The following PARD3B variants were observed in gnomAD, a reference collection of about 807,000 sequenced individuals.
PARD3B encodes the protein par-3 family cell polarity regulator beta.
A neutral mutation model predicts 130.2 loss-of-function variants in PARD3B; 103 were observed. That is an observed-to-expected ratio of 0.79 (90% CI 0.67 to 0.93). PARD3B has a LOEUF of 0.93. PARD3B is among the 40% of genes least tolerant of loss of function. The pLI, the probability that PARD3B is intolerant of heterozygous loss-of-function variation, is 0.00. For synonymous variants in PARD3B, 583 were observed against 553.2 expected (o/e 1.05, Z -0.76); for missense variants, 1,609 against 1,499.2 (o/e 1.07, Z -1.21).
intron 1 of PARD3B, among the ~76,000 whole-genome samples, chr2:204,674,266 G>A (rs2036433401): frequency 6.6e-6 from 1 of 152,170 alleles, no homozygotes; most frequent in Non-Finnish European, 1.5e-5. Context: ...ATCAGCGTTA[G>A]TTAGGTCGAG....
chr2:205,490,364 T>C (rs1302227362), intron 20 of PARD3B, among the ~76,000 whole-genome samples: 1 of 151,300 alleles, frequency 6.6e-6, no homozygotes, highest in East Asian at 2.0e-4. Context: ...ACGTGCGGTG[T>C]TTAGTTTTCT....
chr2:205,039,364 A>G (rs1698234163), intron 3 of PARD3B, among the ~76,000 whole-genome samples: 1 of 152,164 alleles, frequency 6.6e-6, no homozygotes, highest in African/African-American at 2.4e-5. Flanking sequence ...CCTTGTGACC[A>G]TGGGTTGATG....
At chr2:204,758,101 A>T (rs1285865360) in intron 2 of PARD3B, among the ~76,000 whole-genome samples, 2 of 152,152 alleles carry the variant, frequency 1.3e-5, no homozygotes, top group Non-Finnish European at 2.9e-5. Context: ...AGCTTAGCAG[A>T]GGCCTCTTGG....
At position 205,321,906 on chromosome 2, in the gene PARD3B, G is replaced by T. The variant is rs2042764763; in HGVS notation, c.2630+20205G>T. On this transcript the variant is annotated intron_variant, in intron 18 of 22. Coordinates refer to ENST00000406610, the MANE Select transcript of PARD3B (RefSeq NM_001302769.2). The surrounding 1 kb of genome is among the most constrained non-coding windows in gnomAD (Gnocchi z 4.2). ...TCTGTAAATAGGTGCAAATATCCTT[G>T]TGATAAAGCGTCGGTAACCATTAAA... Among the ~76,000 whole-genome samples, 1 of 152,204 alleles carries T rather than the reference G, an allele frequency of 6.6e-6. No homozygotes were observed.
In PARD3B at chr2:204,573,009, C is replaced by T. The variant is rs1188016223; in HGVS notation, c.120+26890C>T. On this transcript the variant is annotated intron_variant, in intron 1 of 22. Transcript: ENST00000406610. The stretch of plus-strand genomic sequence containing the variant: ...CTTCTCTGCTATCTTAAATTATTGA[C>T]TCAAATGTGATCTGTTAGCTAAAGC... Among the ~76,000 whole-genome samples, 3 of 152,326 alleles carry T rather than the reference C, an allele frequency of 2.0e-5. No homozygotes were observed. In the East Asian group the frequency reaches 5.8e-4, roughly 29 times the overall value.
At chr2:204,960,425 C>T (rs1305505382) in intron 2 of PARD3B, among the ~76,000 whole-genome samples, 3 of 152,036 alleles carry the variant, frequency 2.0e-5, no homozygotes, top group Non-Finnish European at 4.4e-5. Flanking sequence ...AAGCAATTTC[C>T]CCCAGTGTTG....
rs1273582854 is a variant in PARD3B, at chr2:205,238,849, A to AAATATATAT, written c.2141-6928_2141-6927insATATATATA. Among the ~76,000 whole-genome samples, 15 of 76,904 alleles carry AAATATATAT rather than the reference A, an allele frequency of 2.0e-4. 1 individual carries two copies. The highest frequency in any genetic ancestry group is 1.1e-3 in the East Asian group (2 of 1,792). 50.5% of individuals were successfully genotyped at this position (76,904 alleles called of 152,430 possible). A position where few individuals can be genotyped will look rare whatever the true frequency, so the allele number is the denominator to read the frequency against. On this transcript the variant is annotated intron_variant, in intron 15 of 22. Coordinates refer to ENST00000406610, the MANE Select transcript of PARD3B (RefSeq NM_001302769.2). ...AAACTCCGTTTCAAAAAAAAAAAAA[A>AAATATATAT]ATATATATATATATATATATATATA... is the stretch of plus-strand genomic sequence containing the variant.
intron 2 of PARD3B, among the ~76,000 whole-genome samples, chr2:204,883,420 A>ATG (rs2046135350): frequency 1.9e-5 from 2 of 103,708 alleles, no homozygotes; most frequent in South Asian, 5.1e-4. Flanking sequence ...TATATATAAT[A>ATG]TATATATATA....
At chr2:204,700,175 C>T (rs913083577) in intron 2 of PARD3B, among the ~76,000 whole-genome samples, 17 of 152,208 alleles carry the variant, frequency 1.1e-4, no homozygotes, top group African/African-American at 2.9e-4. Flanking sequence ...ACTTCAAAGG[C>T]TGTTCCCTGG....
At chr2:205,459,446 G>A (rs533748061) in intron 20 of PARD3B, among the ~76,000 whole-genome samples, 4 of 151,974 alleles carry the variant, frequency 2.6e-5, no homozygotes, top group East Asian at 1.9e-4. Context: ...AACAGACTTC[G>A]TTGTTAGAAG....
intron 2 of PARD3B, among the ~76,000 whole-genome samples, chr2:204,857,546 CAG>C (rs1208189407): frequency 6.6e-5 from 10 of 152,190 alleles, no homozygotes; most frequent in Non-Finnish European, 7.4e-5. Context: ...TGCAAAAAAA[CAG>C]AGAGACCTGT....
intron 19 of PARD3B, among the ~76,000 whole-genome samples, chr2:205,431,763 C>T (rs1026517089): frequency 3.9e-5 from 6 of 152,184 alleles, no homozygotes; most frequent in Non-Finnish European, 7.3e-5. Flanking sequence ...GCCACCGCGA[C>T]TGGCCACATC....
At chr2:204,882,748 C>T (rs2046103097) in intron 2 of PARD3B, among the ~76,000 whole-genome samples, 1 of 152,180 alleles carries the variant, frequency 6.6e-6, no homozygotes, top group Non-Finnish European at 1.5e-5. Context: ...CAAAATCTTG[C>T]CCTTCCTCCT....
At chr2:205,047,560 A>C in intron 3 of PARD3B, 21 bp from the exon 4 acceptor site, 1 of 1,512,800 alleles carries the variant, frequency 6.6e-7, no homozygotes, top group Non-Finnish European at 9.0e-7. Context: ...TTGACCTCTC[A>C]CCTCTCACTT....
At chr2:205,084,984 C>T (rs1396972718) in intron 4 of PARD3B, among the ~76,000 whole-genome samples, 1 of 151,988 alleles carries the variant, frequency 6.6e-6, no homozygotes, top group East Asian at 1.9e-4. Flanking sequence ...ACCGAAGTTT[C>T]TAGCTGTTCT....
At chr2:204,654,854 A>C (rs888068525) in intron 1 of PARD3B, among the ~76,000 whole-genome samples, 2 of 152,144 alleles carry the variant, frequency 1.3e-5, no homozygotes, top group African/African-American at 4.8e-5. Flanking sequence ...TTTATCCTCT[A>C]AAGAAACTTT....
intron 18 of PARD3B, among the ~76,000 whole-genome samples, chr2:205,358,380 G>A (rs566253322): frequency 3.3e-5 from 5 of 152,278 alleles, no homozygotes; most frequent in African/African-American, 1.2e-4. Context: ...TCATAAAGCG[G>A]CTAGATGCTC....
At chr2:204,921,392 A>C (rs2047672516) in intron 2 of PARD3B, among the ~76,000 whole-genome samples, 1 of 152,212 alleles carries the variant, frequency 6.6e-6, no homozygotes, top group Admixed American at 6.5e-5. Flanking sequence ...ATGAGGTCAC[A>C]AACAATAGAC....
chr2:205,582,800 A>G (rs1423295791), intron 22 of PARD3B, among the ~76,000 whole-genome samples: 1 of 152,020 alleles, frequency 6.6e-6, no homozygotes, highest in African/African-American at 2.4e-5. Flanking sequence ...CTTATAGGGA[A>G]GTGGCCTGCT....
Sources: gnomAD v4.1 joint callset for allele counts (sites outside exome capture counted in the v4.1 genomes callset) on GRCh38, gnomAD v4.1.1 for gene constraint, Gnocchi (gnomAD v3.1) non-coding constraint, MANE v1.5 for transcripts, NCBI Gene and HGNC (gene_info 2026-07-23, HGNC 2026-07-21) for gene names.